DCTN4: variants seen among roughly 807,000 people sequenced by gnomAD.
DCTN4 encodes the protein dynactin 4 (p62).
In DCTN4, 23 loss-of-function variants were observed where a neutral mutation model predicts 62.7. The ratio of observed to expected loss-of-function variants is 0.37; its 90% CI spans 0.26 to 0.52. The LOEUF is 0.52. Among genes scored for constraint, DCTN4 ranks in the 20% least tolerant of loss-of-function variants. The pLI is 0.92. For missense variants in DCTN4, 514 were observed against 580.4 expected, an observed-to-expected ratio of 0.89 and a Z score of 1.18; for synonymous variants, 199 against 202.1, an observed-to-expected ratio of 0.98 and a Z score of 0.13.
intron 12 of DCTN4, among the ~76,000 whole-genome samples, chr5:150,713,148 G>A (rs540382018): frequency 6.6e-6 from 1 of 152,272 alleles, no homozygotes; most frequent in Non-Finnish European, 1.5e-5. Flanking sequence ...TGATTTGTAT[G>A]AGTCATGTAA....
intron 3 of DCTN4, among the ~76,000 whole-genome samples, chr5:150,751,391 A>G (rs1042910203): frequency 1.3e-5 from 2 of 152,134 alleles, no homozygotes; most frequent in African/African-American, 2.4e-5. Context: ...TCCAATCTTC[A>G]TGACTCATAA....
intron 8 of DCTN4, among the ~76,000 whole-genome samples, chr5:150,729,659 G>C (rs908662692): frequency 1.3e-5 from 2 of 150,292 alleles, no homozygotes; most frequent in African/African-American, 2.5e-5. Context: ...GCCTAGGCTG[G>C]AGTGCAGTGG....
intron 1 of DCTN4, chr5:150,758,502 T>C: frequency 1.0e-6 from 1 of 1,001,636 alleles, no homozygotes; most frequent in Non-Finnish European, 1.2e-6. Flanking sequence ...ATCCTCGCAA[T>C]AAATCCTGGA....
chr5:150,758,824 C>A (rs775645320), intron 1 of DCTN4, 35 bp downstream of exon 1: 16 of 1,606,786 alleles, frequency 1.0e-5, no homozygotes, highest in East Asian at 8.9e-5. Flanking sequence ...GCGCCCCCCC[C>A]ACCCCACATA....
At chr5:150,721,141 T>G (rs943380636) in intron 9 of DCTN4, among the ~76,000 whole-genome samples, 2 of 152,218 alleles carry the variant, frequency 1.3e-5, no homozygotes, top group Non-Finnish European at 2.9e-5. Context: ...TGACAGACCC[T>G]CTTCCTGGCC....
At chr5:150,718,229 C>T (rs766402848) in intron 11 of DCTN4, 47 bp downstream of exon 11, 3 of 1,341,978 alleles carry the variant, frequency 2.2e-6, no homozygotes, top group Non-Finnish European at 3.2e-6. Context: ...AATGAGGACA[C>T]TCCAGGGAAA....
intron 7 of DCTN4, 30 bp downstream of exon 7, chr5:150,731,014 G>C (rs1760341677): frequency 7.4e-7 from 1 of 1,343,266 alleles, no homozygotes; most frequent in African/African-American, 1.5e-5. Context: ...ATGTAGACTA[G>C]AAACAAAGTA....
intron 12 of DCTN4, among the ~76,000 whole-genome samples, chr5:150,714,289 G>A (rs1561686961): frequency 6.6e-6 from 1 of 152,158 alleles, no homozygotes; most frequent in Non-Finnish European, 1.5e-5. Flanking sequence ...TCTAAAGGGA[G>A]ACTAGAAGTC....
chr5:150,743,792 A>G (rs905801779), intron 3 of DCTN4, among the ~76,000 whole-genome samples: 34 of 152,002 alleles, frequency 2.2e-4, no homozygotes, highest in African/African-American at 9.7e-5. Flanking sequence ...ACATCTGTAC[A>G]TCACCATCAT....
At chr5:150,724,724 C>T (rs1760075515) in intron 8 of DCTN4, among the ~76,000 whole-genome samples, 1 of 152,112 alleles carries the variant, frequency 6.6e-6, no homozygotes, top group South Asian at 2.1e-4. Flanking sequence ...TAGTATATAA[C>T]AAATTTTCTC....
At chr5:150,752,603 A>T (rs1055754628) in intron 3 of DCTN4, among the ~76,000 whole-genome samples, 1 of 152,218 alleles carries the variant, frequency 6.6e-6, no homozygotes, top group Non-Finnish European at 1.5e-5. Flanking sequence ...AACACTTGAT[A>T]CAACCAGATT....
At position 150,711,188 on chromosome 5, in the gene DCTN4, G is replaced by C. The variant is rs1225164912; in HGVS notation, c.1344C>G (p.Thr448=). 6.2e-7 allele frequency: 1 copy of C among 1,612,372 alleles called. No individual in the cohort carries two copies. Among genetic ancestry groups the C allele is most frequent in the Non-Finnish European group, 8.5e-7 (1 of 1,180,020 alleles). The part of the protein sequence containing the change: ...SDQGTEVIWL[T]QHVELSLGPL... ...GGCCCAAGCTAAGTTCCACATGCTG[G>C]GTGAGCCAGATGACTTCTGTTCCCT... Residue 448 remains threonine, a synonymous_variant, in exon 13 of 13, where the codon ACC becomes ACG. Transcript: ENST00000447998.
At chr5:150,734,723 G>A (rs1052986268) in intron 4 of DCTN4, among the ~76,000 whole-genome samples, 2 of 152,190 alleles carry the variant, frequency 1.3e-5, no homozygotes, top group Non-Finnish European at 2.9e-5. Context: ...AGTCCAAAAG[G>A]CTAGCTTGCT....
Position 150,708,714 on chromosome 5 carries a change from T to C in DCTN4, c.*2435A>G, listed in dbSNP as rs1418379256. 6.5e-6 allele frequency: 1 copy of C among 152,818 alleles called. No individual in the cohort carries two copies. Among genetic ancestry groups the C allele is most frequent in the Non-Finnish European group, 1.5e-5 (1 of 68,046 alleles). The allele number at this position is 152,818 out of a possible 1,614,324, so 9.5% of individuals were successfully genotyped here. Reference sequence around the variant, plus strand: ...TCTTTTGGCTCTGAGCCATGCTACTTAGTATCTACATGAGAGCAAACAAAA... The same window carrying C: ...TCTTTTGGCTCTGAGCCATGCTACTCAGTATCTACATGAGAGCAAACAAAA... On this transcript the variant is annotated 3_prime_UTR_variant, in exon 13 of 13. Transcript: ENST00000447998.
At chr5:150,722,631 T>C (rs962291983) in intron 9 of DCTN4, among the ~76,000 whole-genome samples, 2 of 152,222 alleles carry the variant, frequency 1.3e-5, no homozygotes, top group African/African-American at 4.8e-5. Context: ...TTTGTAATGA[T>C]GACTAGTGAC....
At chr5:150,755,262 C>T (rs1752816523) in intron 2 of DCTN4, among the ~76,000 whole-genome samples, 1 of 152,206 alleles carries the variant, frequency 6.6e-6, no homozygotes, top group African/African-American at 2.4e-5. Flanking sequence ...GGAGAAGAGA[C>T]AGATCTTCCA....
intron 4 of DCTN4, among the ~76,000 whole-genome samples, chr5:150,739,857 G>C (rs1199005649): frequency 6.6e-6 from 1 of 152,146 alleles, no homozygotes; most frequent in Non-Finnish European, 1.5e-5. Context: ...AATGGTGCTG[G>C]GATAATTGGC....
chr5:150,711,283 C>T lies in DCTN4; in HGVS notation c.1249G>A (p.Val417Met), dbSNP rs200145293. 1.8e-4 allele frequency: 295 copies of T among 1,613,320 alleles called. No homozygotes were observed. Among genetic ancestry groups the T allele is most frequent in the Non-Finnish European group, 2.3e-4 (273 of 1,179,978 alleles). ...TPQREEGEVT[V>M]CFKMKHDFKN... is the part of the protein sequence containing the mutation. ...AAATCATGCTTCATCTTGAAGCACA[C>T]GGTCACTTCACCCTCCTCACGCTGT... Residue 417 changes from valine (V) to methionine (M), a missense_variant, in exon 13 of 13, where the codon GTG becomes ATG. Coordinates refer to ENST00000447998, the MANE Select transcript of DCTN4 (RefSeq NM_016221.4).
At chr5:150,738,413 CA>C (rs1261887776) in intron 4 of DCTN4, among the ~76,000 whole-genome samples, 1 of 152,132 alleles carries the variant, frequency 6.6e-6, no homozygotes, top group East Asian at 1.9e-4. Context: ...AAAGATAATA[CA>C]CCATGATCAA....
Sources: allele counts gnomAD v4.1 joint callset (sites outside exome capture counted in the v4.1 genomes callset), GRCh38; gene constraint gnomAD v4.1.1; transcripts MANE v1.5; gene names NCBI Gene and HGNC (gene_info 2026-07-23, HGNC 2026-07-21).